SSC5D: variants seen among roughly 807,000 people sequenced by gnomAD.
The protein encoded by SSC5D is scavenger receptor cysteine rich family member with 5 domains.
Under a neutral mutation model 104.6 loss-of-function variants are expected in SSC5D, and 106 were observed. The ratio of observed to expected loss-of-function variants is 1.01; its 90% CI spans 0.87 to 1.19. The LOEUF is 1.19. SSC5D is among the 50% of genes most tolerant of loss of function. SSC5D has a pLI of 0.00. For synonymous variants in SSC5D, 860 were observed against 883.5 expected (o/e 0.97, Z 0.47); for missense variants, 1,993 against 2,153.8 (o/e 0.93, Z 1.48).
In SSC5D at chr19:55,517,275, C is replaced by T; in HGVS notation, c.2999C>T (p.Thr1000Ile). ...CGCCGGCCACCGCGGCCCGCTGCGA[C>T]CAGGACAGCGCCCCCAACCCCGTCC... ...PERRPPRPAA[T>I]RTAPPTPSPG... is the part of the protein sequence containing the mutation. The change falls in exon 14 of 14, where the codon ACC (threonine) becomes ATC (isoleucine). Residue 1000 changes from threonine to isoleucine, a missense_variant. Coordinates refer to ENST00000389623, the MANE Select transcript of SSC5D (RefSeq NM_001144950.2). 6.5e-7 allele frequency: 1 copy of T among 1,546,718 alleles called. No individual in the cohort carries two copies. Among genetic ancestry groups the T allele is most frequent in the Non-Finnish European group, 8.7e-7 (1 of 1,146,634 alleles).
chr19:55,502,885 G>A lies in SSC5D; in HGVS notation c.2785+1684G>A, dbSNP rs563599477. On this transcript the variant is annotated intron_variant, in intron 12 of 13. Coordinates refer to ENST00000389623, the MANE Select transcript of SSC5D (RefSeq NM_001144950.2). Reference sequence around the variant, plus strand: ...GGCTGGAGTGCAGTGGCGTGGTCTCGGCTCACTGCAACCTCCACCTCCCGG... The same window carrying A: ...GGCTGGAGTGCAGTGGCGTGGTCTCAGCTCACTGCAACCTCCACCTCCCGG... 2.5e-3 allele frequency among the ~76,000 whole-genome samples: 386 copies of A among 151,608 alleles called. 4 individuals are homozygous for A. Among genetic ancestry groups the A allele is most frequent in the Non-Finnish European group, 3.1e-3 (208 of 67,916 alleles).
chr19:55,493,994 G>GGGGGGTC, intron 7 of SSC5D, 82 bp downstream of exon 7: 1 of 143,314 alleles, frequency 7.0e-6, no homozygotes, highest in South Asian at 7.8e-5. Context: ...GGGCGGGGGG[G>GGGGGGTC]TCCCTACGCG....
In SSC5D at chr19:55,500,549, T is replaced by C. The variant is rs1987462436; in HGVS notation, c.2362T>C (p.Trp788Arg). The C allele has an allele frequency of 6.4e-7, 1 of 1,551,518 alleles. No individual in the cohort carries two copies. The highest frequency in any genetic ancestry group is 1.4e-5 in the African/African-American group (1 of 73,026). The stretch of plus-strand genomic sequence containing the variant: ...CCGCTGTGCTGGCCGGCTGGAAGTG[T>C]GGCATGCCGGACGCTGGGGAACAGT... ...PNRCAGRLEV[W>R]HAGRWGTVCD... The change falls in exon 11 of 14, where the codon TGG (tryptophan) becomes CGG (arginine). Residue 788 changes from tryptophan (W) to arginine (R), a missense_variant. Trp to Arg is a moderately radical substitution (Grantham distance 101). This residue lies in a region of SSC5D where 70 missense variants were observed against 107.1 expected (regional missense o/e 0.65). Coordinates refer to ENST00000389623, the MANE Select transcript of SSC5D (RefSeq NM_001144950.2). This position sits in a 1 kb window ranked among gnomAD's most constrained non-coding sequence, Gnocchi z 4.6.
intron 8 of SSC5D, 27 bp from the exon 9 acceptor site, chr19:55,497,853 T>G: frequency 6.7e-7 from 1 of 1,498,560 alleles, no homozygotes. Context: ...TCCCCGACTC[T>G]AATTCTTTGG....
intron 12 of SSC5D, among the ~76,000 whole-genome samples, chr19:55,510,395 C>T (rs1009700013): frequency 6.6e-6 from 1 of 152,172 alleles, no homozygotes; most frequent in African/African-American, 2.4e-5. Flanking sequence ...GTTGCCCAGG[C>T]TTGAGTGCAG....
intron 12 of SSC5D, among the ~76,000 whole-genome samples, chr19:55,505,085 A>G (rs1347895184): frequency 2.0e-5 from 3 of 151,426 alleles, no homozygotes; most frequent in East Asian, 1.9e-4. Flanking sequence ...CCAGGTTCCA[A>G]TCGTGGTTCC....
At chr19:55,499,328 C>T (rs1333575033) in intron 9 of SSC5D, among the ~76,000 whole-genome samples, 1 of 152,222 alleles carries the variant, frequency 6.6e-6, no homozygotes, top group Non-Finnish European at 1.5e-5. Context: ...GGAGGCATCA[C>T]CTCTGCTGGA....
chr19:55,491,798 C>G (rs1260872891), intron 6 of SSC5D: 1 of 152,576 alleles, frequency 6.6e-6, no homozygotes, highest in East Asian at 1.9e-4. Flanking sequence ...CCCTCTTTCC[C>G]TTTCTCTTTC....
intron 13 of SSC5D, 79 bp from the exon 14 acceptor site, chr19:55,517,145 C>T (rs1987888832): frequency 1.3e-5 from 17 of 1,357,392 alleles, no homozygotes; most frequent in Middle Eastern, 2.6e-4. Flanking sequence ...TGGTCGGCTC[C>T]TCGAGGGGCG....
intron 12 of SSC5D, chr19:55,504,022 G>A: frequency 8.0e-7 from 1 of 1,243,776 alleles, no homozygotes; most frequent in Non-Finnish European, 1.1e-6. Flanking sequence ...GCCTTGAGGT[G>A]GGGAAAGGGA....
At chr19:55,498,255 A>G in intron 9 of SSC5D, 58 bp downstream of exon 9, 1 of 1,520,966 alleles carries the variant, frequency 6.6e-7, no homozygotes, top group East Asian at 2.5e-5. Flanking sequence ...GGGAACAGTA[A>G]CTAACATGGG....
rs985467708 is a variant in SSC5D at position 55,491,169 on chromosome 19, C to T, written c.895+89C>T. On this transcript the variant is annotated intron_variant, in intron 6 of 13. Coordinates refer to ENST00000389623, the MANE Select transcript of SSC5D (RefSeq NM_001144950.2). ...CCAGGAAGCTGCAGCGGGCCTGCTC[C>T]CAGCTCTGCCTCCTGCCCGCCTGCT... 9 of 1,409,808 alleles carry T rather than the reference C, an allele frequency of 6.4e-6. No homozygotes were observed. The African/African-American group carries it at 1.3e-4, about 20-fold the overall frequency. 87.3% of individuals were successfully genotyped at this position (1,409,808 alleles called of 1,614,324 possible). A position where few individuals can be genotyped will look rare whatever the true frequency, so the allele number is the denominator to read the frequency against.
intron 12 of SSC5D, among the ~76,000 whole-genome samples, chr19:55,509,850 C>CAAAAAAAAAAAA (rs1250937223): frequency 1.3e-5 from 1 of 75,986 alleles, no homozygotes; most frequent in African/African-American, 4.5e-5. Context: ...AACTCTGTCT[C>CAAAAAAAAAAAA]AAAAAAAAAA....
At position 55,498,021 on chromosome 19, in the gene SSC5D, G is replaced by C; in HGVS notation, c.1529G>C (p.Cys510Ser). ...DSAVVCRELG[C>S]GGPQQPDPAA... Reference sequence around the variant, plus strand: ...GCTGTGGTCTGCCGGGAGCTGGGCTGTGGTGGACCTCAGCAGCCAGACCCT... The same window carrying C: ...GCTGTGGTCTGCCGGGAGCTGGGCTCTGGTGGACCTCAGCAGCCAGACCCT... The change falls in exon 9 of 14, where the codon TGT becomes TCT. Residue 510 changes from cysteine to serine, a missense_variant. Around this residue, in one of 6 missense-constraint regions of SSC5D, gnomAD observed 1,101 missense variants for 1,085.0 expected, o/e 1.01. Coordinates refer to ENST00000389623, the MANE Select transcript of SSC5D (RefSeq NM_001144950.2). 1 of 1,551,782 alleles carries C rather than the reference G, an allele frequency of 6.4e-7. No individual in the cohort carries two copies.
At chr19:55,488,739 T>C in intron 1 of SSC5D, 125 bp downstream of exon 1, 1 of 880,614 alleles carries the variant, frequency 1.1e-6, no homozygotes, top group African/African-American at 1.7e-5. Flanking sequence ...TACCCTGACA[T>C]CCCTTCTGAG....
intron 12 of SSC5D, among the ~76,000 whole-genome samples, chr19:55,508,300 G>A (rs1987682751): frequency 1.3e-5 from 2 of 152,138 alleles, no homozygotes; most frequent in African/African-American, 4.8e-5. Flanking sequence ...ACCCTATGAG[G>A]TCATGCAGGG....
In SSC5D at chr19:55,517,435, C is replaced by G; in HGVS notation, c.3159C>G (p.Asp1053Glu). 1 of 1,551,114 alleles carries G rather than the reference C, an allele frequency of 6.4e-7. No homozygotes were observed. Residue 1053 changes from aspartate to glutamate, a missense_variant, in exon 14 of 14, where the codon GAC (aspartate) becomes GAG (glutamate). This residue lies in a region of SSC5D where 423 missense variants were observed against 409.2 expected (regional missense o/e 1.03). Transcript: ENST00000389623. ...DAPDTSPPTPDPASRTNPDLI... is the reference protein window; with the variant it reads ...DAPDTSPPTPEPASRTNPDLI... Reference sequence around the variant, plus strand: ...CGGACACTTCACCACCCACCCCAGACCCGGCCTCCCGGACGAACCCCGACC... The same window carrying G: ...CGGACACTTCACCACCCACCCCAGAGCCGGCCTCCCGGACGAACCCCGACC...
Position 55,498,164 on chromosome 19 carries a change from G to A in SSC5D, c.1672G>A (p.Ala558Thr), listed in dbSNP as rs1206866487. ...TGCTCCCTGGGGAAAGCACAACTGC[G>A]CTCACAATGAGGATGTTGGGGTCAC... is the stretch of plus-strand genomic sequence containing the variant. Reference protein sequence around the residue: ...PAAPWGKHNCAHNEDVGVTCT... With the variant: ...PAAPWGKHNCTHNEDVGVTCT... Residue 558 changes from alanine to threonine, a missense_variant, in exon 9 of 14, where the codon GCT (alanine) becomes ACT (threonine). Ala to Thr is a moderately conservative substitution (Grantham distance 58). This residue lies in a region of SSC5D where 1,101 missense variants were observed against 1,085.0 expected (regional missense o/e 1.01). Transcript: ENST00000389623. 7 of 1,551,632 alleles carry A rather than the reference G, an allele frequency of 4.5e-6. No homozygotes were observed. The highest frequency in any genetic ancestry group is 1.7e-4 in the Middle Eastern group (1 of 6,014).
intron 4 of SSC5D, 148 bp from the exon 5 acceptor site, chr19:55,490,150 C>T (rs1369511539): frequency 1.1e-5 from 7 of 612,568 alleles, no homozygotes; most frequent in Non-Finnish European, 2.0e-5. Flanking sequence ...CCAGGGGACA[C>T]ACAGCCCGCC....
Sources: gnomAD v4.1 joint callset for allele counts (sites outside exome capture counted in the v4.1 genomes callset) on GRCh38, gnomAD v4.1.1 for gene constraint, gnomAD v4.1.1 regional missense constraint, Gnocchi (gnomAD v3.1) non-coding constraint, MANE v1.5 for transcripts, NCBI Gene and HGNC (gene_info 2026-07-23, HGNC 2026-07-21) for gene names.